Variants in GRM7 observed in about 807,000 individuals in gnomAD.
GRM7 encodes the protein glutamate metabotropic receptor 7, also known as metabotropic glutamate receptor 7.
GRM7 carries 35 observed loss-of-function variants against 84.5 expected under a neutral mutation model. That is an observed-to-expected ratio of 0.41 (90% CI 0.32 to 0.55). The LOEUF (loss-of-function observed/expected upper bound fraction) is 0.55. Ranked by LOEUF, GRM7 falls within the 20% of genes least tolerant of loss-of-function variation. GRM7 has a pLI of 0.19. For synonymous variants in GRM7, 487 were observed against 455.1 expected (o/e 1.07, Z -0.89); for missense variants, 1,003 against 1,194.6 (o/e 0.84, Z 2.36).
intron 1 of GRM7, among the ~76,000 whole-genome samples, chr3:7,064,569 A>C (rs930253305): frequency 4.9e-5 from 4 of 81,090 alleles, no homozygotes; most frequent in African/African-American, 2.2e-4. Flanking sequence ...ATATATATAT[A>C]TCACAGTTTC....
At chr3:7,119,457 A>T (rs984617372) in intron 1 of GRM7, among the ~76,000 whole-genome samples, 3 of 152,184 alleles carry the variant, frequency 2.0e-5, no homozygotes, top group Non-Finnish European at 2.9e-5. Flanking sequence ...TTCGTAGTCC[A>T]TATACTTTGT....
chr3:7,415,282 C>G, intron 5 of GRM7, 119 bp downstream of exon 5: 2 of 824,188 alleles, frequency 2.4e-6, no homozygotes, highest in Non-Finnish European at 3.9e-6. Context: ...TTAAATTTTA[C>G]TAGATTGTTC....
intron 9 of GRM7, among the ~76,000 whole-genome samples, chr3:7,710,903 C>T (rs1413656165): frequency 1.3e-5 from 2 of 152,200 alleles, no homozygotes; most frequent in African/African-American, 4.8e-5. Context: ...CCTGTCTCAA[C>T]CTCACGTTGC....
intron 2 of GRM7, among the ~76,000 whole-genome samples, chr3:7,206,952 T>C (rs1246648158): frequency 6.6e-6 from 1 of 152,116 alleles, no homozygotes; most frequent in African/African-American, 2.4e-5. Flanking sequence ...GGACAAGATA[T>C]ATATATGTAA....
intron 1 of GRM7, among the ~76,000 whole-genome samples, chr3:7,129,314 C>A (rs2125051369): frequency 6.6e-6 from 1 of 152,284 alleles, no homozygotes; most frequent in South Asian, 2.1e-4. Context: ...CAGCCGTTAT[C>A]CGTTTACAAG....
intron 7 of GRM7, among the ~76,000 whole-genome samples, chr3:7,467,936 C>T (rs998475241): frequency 3.9e-5 from 6 of 152,098 alleles, no homozygotes; most frequent in Non-Finnish European, 8.8e-5. Context: ...AAATTAATTT[C>T]AAAAGTTGTA....
At chr3:7,483,443 C>T (rs1699207926) in intron 7 of GRM7, among the ~76,000 whole-genome samples, 1 of 152,100 alleles carries the variant, frequency 6.6e-6, no homozygotes, top group Non-Finnish European at 1.5e-5. Context: ...GAGCAGAACC[C>T]TCGAGGCCTG....
intron 1 of GRM7, among the ~76,000 whole-genome samples, chr3:6,912,632 C>T (rs1238037617): frequency 2.0e-5 from 3 of 152,046 alleles, no homozygotes; most frequent in Admixed American, 6.6e-5. Context: ...ACTTCAATGT[C>T]TTTTTTACAG....
intron 4 of GRM7, among the ~76,000 whole-genome samples, chr3:7,398,544 T>C (rs1001994303): frequency 6.6e-6 from 1 of 152,050 alleles, no homozygotes; most frequent in African/African-American, 2.4e-5. Context: ...TTTGGTAGCC[T>C]ACGTATGGAA....
intron 2 of GRM7, among the ~76,000 whole-genome samples, chr3:7,217,827 G>T (rs184649728): frequency 6.7e-6 from 1 of 149,750 alleles, no homozygotes; most frequent in African/African-American, 2.5e-5. Flanking sequence ...ATGTATAGAT[G>T]TGTGTATATG....
At chr3:6,916,971 A>C (rs2125025393) in intron 1 of GRM7, among the ~76,000 whole-genome samples, 1 of 152,278 alleles carries the variant, frequency 6.6e-6, no homozygotes, top group East Asian at 1.9e-4. Flanking sequence ...AGGAGTTTTC[A>C]AAATTCAGAT....
At chr3:6,995,166 C>G (rs574362960) in intron 1 of GRM7, among the ~76,000 whole-genome samples, 1 of 152,124 alleles carries the variant, frequency 6.6e-6, no homozygotes, top group Non-Finnish European at 1.5e-5. Flanking sequence ...ATTTTTGTCA[C>G]GAGACATGAG....
chr3:7,603,071 G>A (rs1196614229), intron 8 of GRM7, among the ~76,000 whole-genome samples: 3 of 151,998 alleles, frequency 2.0e-5, no homozygotes, highest in East Asian at 1.9e-4. Flanking sequence ...TAATGTAGAC[G>A]GTACTTAAAA....
chr3:7,422,621 A>C (rs1696443393), intron 5 of GRM7, among the ~76,000 whole-genome samples: 1 of 152,046 alleles, frequency 6.6e-6, no homozygotes, highest in Admixed American at 6.6e-5. Flanking sequence ...TCCTTCCATT[A>C]TTTTTTGTAT....
intron 9 of GRM7, among the ~76,000 whole-genome samples, chr3:7,706,957 G>A (rs1701410193): frequency 6.6e-6 from 1 of 151,424 alleles, no homozygotes; most frequent in African/African-American, 2.4e-5. Context: ...TTTGGGAAAG[G>A]TTAAATTCTT....
Position 7,486,239 on chromosome 3 carries a change from T to C in GRM7, c.1515+24517T>C, listed in dbSNP as rs1575406225. Among the ~76,000 whole-genome samples the C allele has an allele frequency of 6.6e-6, 1 of 152,326 alleles. No homozygotes were observed. Among genetic ancestry groups the C allele is most frequent in the Non-Finnish European group, 1.5e-5 (1 of 68,034 alleles). ...TGGTTCCTTCTATTTCCCCTTGTTT[T>C]ATTTGTATTTAAGTGTTTTTGCTTC... is the stretch of plus-strand genomic sequence containing the variant. On this transcript the variant is annotated intron_variant, in intron 7 of 9. Coordinates refer to ENST00000357716, the MANE Select transcript of GRM7 (RefSeq NM_000844.4). The surrounding 1 kb of genome is among the most constrained non-coding windows in gnomAD (Gnocchi z 5.5).
chr3:7,525,167 A>G (rs1288660162), intron 7 of GRM7, among the ~76,000 whole-genome samples: 6 of 151,858 alleles, frequency 4.0e-5, no homozygotes, highest in Admixed American at 1.3e-4. Flanking sequence ...CTAATGCTAA[A>G]TGACGAGTTA....
At chr3:7,062,492 A>T (rs1199592326) in intron 1 of GRM7, among the ~76,000 whole-genome samples, 1 of 151,822 alleles carries the variant, frequency 6.6e-6, no homozygotes, top group African/African-American at 2.4e-5. Context: ...TAAAGGAACA[A>T]TAAATACAAA....
intron 7 of GRM7, among the ~76,000 whole-genome samples, chr3:7,558,218 C>G (rs757966410): frequency 6.6e-6 from 1 of 151,870 alleles, no homozygotes; most frequent in Non-Finnish European, 1.5e-5. Flanking sequence ...TTTGCTCATT[C>G]CAAGTTCAGG....
Sources: gnomAD v4.1 joint callset for allele counts (sites outside exome capture counted in the v4.1 genomes callset) on GRCh38, gnomAD v4.1.1 for gene constraint, Gnocchi (gnomAD v3.1) non-coding constraint, MANE v1.5 for transcripts, NCBI Gene and HGNC (gene_info 2026-07-23, HGNC 2026-07-21) for gene names.